The following RSRC1 variants were observed in gnomAD, a reference collection of about 807,000 sequenced individuals.
The protein encoded by RSRC1 is serine/Arginine-related protein 53.
A neutral mutation model predicts 49.1 loss-of-function variants in RSRC1; 39 were observed. The ratio of observed to expected loss-of-function variants is 0.79; its 90% CI spans 0.61 to 1.04. The LOEUF is 1.04. Ranked by LOEUF, RSRC1 falls within the 50% of genes least tolerant of loss-of-function variation. The pLI is 0.00. For synonymous variants in RSRC1, 143 were observed against 130.8 expected, an observed-to-expected ratio of 1.09 and a Z score of -0.63; for missense variants, 388 against 402.4, an observed-to-expected ratio of 0.96 and a Z score of 0.31.
At chr3:158,324,193 T>C (rs1728933216) in intron 5 of RSRC1, among the ~76,000 whole-genome samples, 1 of 151,970 alleles carries the variant, frequency 6.6e-6, no homozygotes, top group East Asian at 1.9e-4. Flanking sequence ...TCTTCAATCA[T>C]TTGCTCTTTT....
intron 3 of RSRC1, among the ~76,000 whole-genome samples, chr3:158,194,199 A>G (rs1296005112): frequency 1.3e-5 from 2 of 151,944 alleles, no homozygotes; most frequent in Non-Finnish European, 2.9e-5. Context: ...ACTTGAGTCA[A>G]GGAATTTGAG....
chr3:158,145,806 G>A (rs1200762914), intron 3 of RSRC1, among the ~76,000 whole-genome samples: 1 of 151,840 alleles, frequency 6.6e-6, no homozygotes, highest in Non-Finnish European at 1.5e-5. Flanking sequence ...CTTTTATTTC[G>A]TTGAGCAGTG....
intron 4 of RSRC1, among the ~76,000 whole-genome samples, chr3:158,265,863 A>T (rs1459282412): frequency 9.2e-5 from 14 of 152,162 alleles, no homozygotes. Flanking sequence ...GTCTGTGATC[A>T]TTTTGACTTA....
intron 3 of RSRC1, among the ~76,000 whole-genome samples, chr3:158,187,493 T>G (rs1350807121): frequency 6.6e-6 from 1 of 152,026 alleles, no homozygotes; most frequent in Non-Finnish European, 1.5e-5. Flanking sequence ...CAAATAAATG[T>G]TTCTGGCATT....
intron 6 of RSRC1, among the ~76,000 whole-genome samples, chr3:158,366,548 A>T (rs143798260): frequency 3.3e-5 from 5 of 152,122 alleles, no homozygotes; most frequent in Admixed American, 6.5e-5. Flanking sequence ...TGGTTACCGT[A>T]GCCTTGTATT....
intron 3 of RSRC1, among the ~76,000 whole-genome samples, chr3:158,157,679 G>A (rs547791914): frequency 6.6e-6 from 1 of 152,312 alleles, no homozygotes; most frequent in East Asian, 1.9e-4. Context: ...ACTTTGGGAG[G>A]CCAAGGCAGG....
At chr3:158,276,382 G>A in intron 4 of RSRC1, 1 of 779,610 alleles carries the variant, frequency 1.3e-6, no homozygotes, top group Non-Finnish European at 2.3e-6. Flanking sequence ...ACATCAGGCT[G>A]CTTTCTCCAT....
intron 4 of RSRC1, among the ~76,000 whole-genome samples, chr3:158,286,342 C>A (rs1726556718): frequency 1.3e-5 from 2 of 152,150 alleles, no homozygotes; most frequent in Non-Finnish European, 2.9e-5. Flanking sequence ...CTCTCTGATC[C>A]TCATTTATCT....
chr3:158,160,989 GTTGTTC>G (rs201288200), intron 3 of RSRC1, among the ~76,000 whole-genome samples: 2,504 of 152,222 alleles, frequency 0.016, 58 homozygotes, highest in African/African-American at 0.058. Context: ...CTTTCAAACA[GTTGTTC>G]TTGTGCTTAT....
intron 4 of RSRC1, among the ~76,000 whole-genome samples, chr3:158,235,457 A>G (rs1312564442): frequency 1.3e-5 from 2 of 152,192 alleles, no homozygotes; most frequent in Non-Finnish European, 2.9e-5. Flanking sequence ...AGGAAAGAAA[A>G]AAACAGTGCC....
chr3:158,299,791 A>G (rs1727433002), intron 5 of RSRC1, among the ~76,000 whole-genome samples: 1 of 43,006 alleles, frequency 2.3e-5, no homozygotes, highest in South Asian at 4.1e-4. Context: ...TTCAGTGACT[A>G]TTTCACACAT....
At chr3:158,139,910 G>A (rs1400233144) in intron 3 of RSRC1, among the ~76,000 whole-genome samples, 1 of 152,226 alleles carries the variant, frequency 6.6e-6, no homozygotes, top group African/African-American at 2.4e-5. Flanking sequence ...TGGATTTACA[G>A]GCTTGAGCCA....
intron 4 of RSRC1, among the ~76,000 whole-genome samples, chr3:158,215,323 T>G (rs1404885379): frequency 6.7e-6 from 1 of 149,006 alleles, no homozygotes; most frequent in Non-Finnish European, 1.5e-5. Flanking sequence ...TTTGGGTAAA[T>G]GTAGAGACAG....
chr3:158,262,334 G>GT lies in RSRC1; in HGVS notation c.495-35699dup, dbSNP rs1449478635. Among the ~76,000 whole-genome samples the GT allele has an allele frequency of 2.0e-5, 3 of 152,040 alleles. No homozygotes were observed. The East Asian group carries it at 5.8e-4, about 29-fold the overall frequency. On this transcript the variant is annotated intron_variant, in intron 4 of 9. Coordinates refer to ENST00000611884, the MANE Select transcript of RSRC1 (RefSeq NM_001271838.2). Reference sequence around the variant, plus strand: ...AAGATATGGTTAATGTTCATTTTTTGTTTTTTGCATATTTAAAATTTAGTA... The same window carrying GT: ...AAGATATGGTTAATGTTCATTTTTTGTTTTTTTGCATATTTAAAATTTAGTA...
intron 1 of RSRC1, among the ~76,000 whole-genome samples, chr3:158,110,926 G>A (rs1400568021): frequency 6.6e-6 from 1 of 152,146 alleles, no homozygotes; most frequent in African/African-American, 2.4e-5. Context: ...TAACCTTGAC[G>A]TAATTTCTCT....
chr3:158,494,112 G>A (rs974029036), intron 7 of RSRC1, among the ~76,000 whole-genome samples: 27 of 152,250 alleles, frequency 1.8e-4, no homozygotes, highest in African/African-American at 6.5e-4. Context: ...GATACATTCT[G>A]AGAAATGTCA....
intron 6 of RSRC1, among the ~76,000 whole-genome samples, chr3:158,394,488 CA>C (rs1733498675): frequency 6.6e-6 from 1 of 152,032 alleles, no homozygotes; most frequent in African/African-American, 2.4e-5. Flanking sequence ...GGAGTTTCAG[CA>C]AACTTCCAGG....
At chr3:158,326,053 T>C (rs1475989147) in intron 5 of RSRC1, among the ~76,000 whole-genome samples, 1 of 152,318 alleles carries the variant, frequency 6.6e-6, no homozygotes, top group East Asian at 1.9e-4. Context: ...TGTATAAGAA[T>C]GCTTGTGATT....
intron 6 of RSRC1, among the ~76,000 whole-genome samples, chr3:158,391,150 T>C (rs1733262118): frequency 6.6e-6 from 1 of 152,220 alleles, no homozygotes; most frequent in African/African-American, 2.4e-5. Flanking sequence ...TCTAGAACTA[T>C]TCTTTATTCT....
Sources: allele counts gnomAD v4.1 joint callset (sites outside exome capture counted in the v4.1 genomes callset), GRCh38; gene constraint gnomAD v4.1.1; transcripts MANE v1.5; gene names NCBI Gene and HGNC (gene_info 2026-07-23, HGNC 2026-07-21).